Variants in NUTM1 observed in about 807,000 individuals in gnomAD.
NUTM1 encodes NUT midline carcinoma family member 1, also known as NUT family member 1.
In NUTM1, 39 loss-of-function variants were observed where a neutral mutation model predicts 88.7. The observed-to-expected ratio is 0.44, with a 90% CI of 0.34 to 0.57. NUTM1 has a LOEUF of 0.57. Ranked by LOEUF, NUTM1 falls within the 20% of genes least tolerant of loss-of-function variation. NUTM1 has a pLI of 0.01. For missense variants in NUTM1, 1,350 were observed against 1,414.5 expected (o/e 0.95, Z 0.73); for synonymous variants, 494 against 538.0 (o/e 0.92, Z 1.13).
At position 34,357,344 on chromosome 15, in the gene NUTM1, T is replaced by A; in HGVS notation, c.3336T>A (p.Thr1112=). 2 of 1,614,118 alleles carry A rather than the reference T, an allele frequency of 1.2e-6. No individual in the cohort carries two copies. The highest frequency in any genetic ancestry group is 1.7e-6 in the Non-Finnish European group (2 of 1,180,022). The change falls in exon 8 of 8, where the codon ACT becomes ACA. Residue 1112 remains threonine (T), a synonymous_variant. Coordinates refer to ENST00000537011, the MANE Select transcript of NUTM1 (RefSeq NM_001284292.2). ...KRALAGGPAP[T]EKTPHSGAQL... The stretch of plus-strand genomic sequence containing the variant: ...CTCTAGCTGGAGGTCCAGCCCCTAC[T>A]GAAAAGACACCCCACTCAGGAGCTC...
rs973852789 is a variant in NUTM1 at position 34,355,374 on chromosome 15, G to A, written c.1480-114G>A. On this transcript the variant is annotated intron_variant, in intron 7 of 7. Transcript: ENST00000537011. The surrounding 1 kb of genome is among the most constrained non-coding windows in gnomAD (Gnocchi z 4.3). The stretch of plus-strand genomic sequence containing the variant: ...TGCAGTATCTGTCTTTGCTACCATC[G>A]CTTAAACTACTTGCTTGCCTTCCTT... The A allele has an allele frequency of 1.8e-5, 18 of 1,025,236 alleles. No homozygotes were observed. Among genetic ancestry groups the A allele is most frequent in the African/African-American group, 1.3e-4 (8 of 62,502 alleles). The allele number at this position is 1,025,236 out of a possible 1,614,324, so 63.5% of individuals were successfully genotyped here. A position where few individuals can be genotyped will look rare whatever the true frequency, so the allele number is the denominator to read the frequency against.
chr15:34,353,150 G>A (rs1890740152), intron 4 of NUTM1, among the ~76,000 whole-genome samples: 1 of 151,716 alleles, frequency 6.6e-6, no homozygotes, highest in Non-Finnish European at 1.5e-5. Context: ...CTCCCAAAGT[G>A]CTGGGGTTAC....
At chr15:34,349,795 C>T (rs1172127866) in intron 3 of NUTM1, among the ~76,000 whole-genome samples, 1 of 152,248 alleles carries the variant, frequency 6.6e-6, no homozygotes, top group Non-Finnish European at 1.5e-5. Flanking sequence ...CGTCTTCAGG[C>T]TCCCTGCTTT....
chr15:34,357,102 G>GAGAAAA lies in NUTM1; in HGVS notation c.3103_3108dup (p.Lys1035_Lys1036dup). 1 of 1,614,018 alleles carries GAGAAAA rather than the reference G, an allele frequency of 6.2e-7. No homozygotes were observed. The highest frequency in any genetic ancestry group is 1.1e-5 in the South Asian group (1 of 91,076). ...GTCAGCAGACAGGGCCAAAGGAAAG[G>GAGAAAA]AGAAAAAGAAAAAGGAAGCAGAGGA... On this transcript the variant is annotated inframe_insertion, in exon 8 of 8. Coordinates refer to ENST00000537011, the MANE Select transcript of NUTM1 (RefSeq NM_001284292.2).
Position 34,354,971 on chromosome 15 carries a change from C to T in NUTM1, c.1363-50C>T, listed in dbSNP as rs374290569. 3.8e-5 allele frequency: 54 copies of T among 1,404,472 alleles called. No individual in the cohort carries two copies. The Middle Eastern group carries it at 1.6e-3, about 42-fold the overall frequency. 87.0% of individuals were successfully genotyped at this position (1,404,472 alleles called of 1,614,324 possible). A position where few individuals can be genotyped will look rare whatever the true frequency, so the allele number is the denominator to read the frequency against. On this transcript the variant is annotated intron_variant, in intron 6 of 7. Coordinates refer to ENST00000537011, the MANE Select transcript of NUTM1 (RefSeq NM_001284292.2). Reference sequence around the variant, plus strand: ...GTTTCTTCTGTAAAGCCCCTTGTTTCACAGGTTACCTGCTTACAGACTTAC... The same window carrying T: ...GTTTCTTCTGTAAAGCCCCTTGTTTTACAGGTTACCTGCTTACAGACTTAC...
Position 34,356,471 on chromosome 15 carries a change from G to A in NUTM1, c.2463G>A (p.Ala821=), listed in dbSNP as rs112209348. 2.0e-4 allele frequency: 321 copies of A among 1,613,102 alleles called. 1 individual carries two copies. The African/African-American group carries it at 2.8e-3, about 14-fold the overall frequency. The part of the protein sequence containing the change: ...SSVIPCGGTV[A]AAALEKRNYC... Reference sequence around the variant, plus strand: ...TGATTCCCTGTGGAGGCACAGTTGCGGCAGCTGCCCTAGAAAAGAGAAACT... The same window carrying A: ...TGATTCCCTGTGGAGGCACAGTTGCAGCAGCTGCCCTAGAAAAGAGAAACT... The change falls in exon 8 of 8, where the codon GCG becomes GCA. Residue 821 remains alanine, a synonymous_variant. Coordinates refer to ENST00000537011, the MANE Select transcript of NUTM1 (RefSeq NM_001284292.2).
intron 2 of NUTM1, among the ~76,000 whole-genome samples, 192 bp from the exon 3 acceptor site, chr15:34,347,777 T>C (rs898148450): frequency 7.2e-5 from 11 of 151,852 alleles, no homozygotes; most frequent in South Asian, 6.3e-4. Flanking sequence ...GGCATGAACC[T>C]AGGAGGCGGA....
chr15:34,350,918 T>G lies in NUTM1; in HGVS notation c.938+86T>G, dbSNP rs535014131. On this transcript the variant is annotated intron_variant, in intron 4 of 7. Transcript: ENST00000537011. ...CGCAGAGAGACTTGTGTGGGGGTGA[T>G]TATCAAAAGCCATGTTAGGATGGGG... 19 of 1,531,946 alleles carry G rather than the reference T, an allele frequency of 1.2e-5. No homozygotes were observed. The East Asian group carries it at 4.3e-4, about 35-fold the overall frequency. 94.9% of individuals were successfully genotyped at this position (1,531,946 alleles called of 1,614,324 possible).
intron 1 of NUTM1, among the ~76,000 whole-genome samples, chr15:34,345,330 T>A (rs1295669688): frequency 6.6e-6 from 1 of 152,198 alleles, no homozygotes; most frequent in Non-Finnish European, 1.5e-5. Flanking sequence ...CATGGCAGCT[T>A]TTTTATTTAG....
In NUTM1 at chr15:34,348,241, G is replaced by A. The variant is rs1042643515; in HGVS notation, c.373G>A (p.Gly125Arg). Residue 125 changes from glycine (G) to arginine (R), a missense_variant, in exon 3 of 8, where the codon GGG becomes AGG. Coordinates refer to ENST00000537011, the MANE Select transcript of NUTM1 (RefSeq NM_001284292.2). ...KVIVKVKTEG[G>R]SAEPSQTQNF... ...CATTGTCAAAGTCAAGACAGAAGGG[G>A]GGTCAGCTGAGCCCTCTCAAACTCA... 6.2e-7 allele frequency: 1 copy of A among 1,614,218 alleles called. No homozygotes were observed. Among genetic ancestry groups the A allele is most frequent in the Non-Finnish European group, 8.5e-7 (1 of 1,180,036 alleles).
At chr15:34,344,533 T>C (rs7169857) in intron 1 of NUTM1, among the ~76,000 whole-genome samples, 8 of 148,402 alleles carry the variant, frequency 5.4e-5, no homozygotes, top group Non-Finnish European at 3.0e-5. Flanking sequence ...AAGAATATGG[T>C]TTGTATTTAC....
chr15:34,353,631 C>A, intron 4 of NUTM1, 105 bp from the exon 5 acceptor site: 2 of 1,396,534 alleles, frequency 1.4e-6, no homozygotes, highest in Non-Finnish European at 9.9e-7. Flanking sequence ...AGACTTTGCC[C>A]ACCTGAGAGC....
rs752554152 is a variant in NUTM1 at position 34,357,290 on chromosome 15, A to G, written c.3282A>G (p.Pro1094=). Reference sequence around the variant, plus strand: ...GAGCAAAAGGCCCCAGCAAACTTCCATATCCTGTTGCCAAGTCTGGGAAGC... The same window carrying G: ...GAGCAAAAGGCCCCAGCAAACTTCCGTATCCTGTTGCCAAGTCTGGGAAGC... The part of the protein sequence containing the change: ...PAGAKGPSKL[P]YPVAKSGKRA... The change falls in exon 8 of 8, where the codon CCA becomes CCG. Residue 1094 remains proline, a synonymous_variant. Coordinates refer to ENST00000537011, the MANE Select transcript of NUTM1 (RefSeq NM_001284292.2). 5.0e-6 allele frequency: 8 copies of G among 1,613,972 alleles called. No individual in the cohort carries two copies. Among genetic ancestry groups the G allele is most frequent in the South Asian group, 4.4e-5 (4 of 91,082 alleles).
chr15:34,346,126 C>A, intron 2 of NUTM1, 91 bp downstream of exon 2: 2 of 1,296,548 alleles, frequency 1.5e-6, no homozygotes, highest in Non-Finnish European at 2.2e-6. Context: ...ATGTGAGGTG[C>A]TACACCCCGT....
chr15:34,355,022 T>G lies in NUTM1; in HGVS notation c.1364T>G (p.Val455Gly). 1.9e-6 allele frequency: 3 copies of G among 1,608,196 alleles called. No individual in the cohort carries two copies. Among genetic ancestry groups the G allele is most frequent in the Non-Finnish European group, 2.6e-6 (3 of 1,174,658 alleles). ...LCSQKVFVSK[V>G]EAVIHPQFLA... is the part of the protein sequence containing the mutation. ...ATCGCTTTTCCTTCTGTTATCCAGG[T>G]GGAGGCTGTCATTCACCCTCAATTT... Residue 455 changes from valine to glycine, a missense_variant and splice_region_variant, in exon 7 of 8, where the codon GTG (valine) becomes GGG (glycine). Physicochemically the swap from Val to Gly is moderately radical, Grantham distance 109. Transcript: ENST00000537011. The surrounding 1 kb of genome is among the most constrained non-coding windows in gnomAD (Gnocchi z 4.3).
chr15:34,355,501 G>A lies in NUTM1; in HGVS notation c.1493G>A (p.Arg498Gln), dbSNP rs747690434. Residue 498 changes from arginine to glutamine, a missense_variant, in exon 8 of 8, where the codon CGA becomes CAA. Physicochemically the swap from Arg to Gln is conservative, Grantham distance 43. Coordinates refer to ENST00000537011, the MANE Select transcript of NUTM1 (RefSeq NM_001284292.2). The surrounding 1 kb of genome is among the most constrained non-coding windows in gnomAD (Gnocchi z 4.3). Reference sequence around the variant, plus strand: ...CATTTCTTTCAGCTGGTCCAGAAGCGACTCATGGCCTTGGAAGAGGAGGAA... The same window carrying A: ...CATTTCTTTCAGCTGGTCCAGAAGCAACTCATGGCCTTGGAAGAGGAGGAA... ...GLTLAQLVQK[R>Q]LMALEEEEDA... The A allele has an allele frequency of 6.2e-6, 10 of 1,614,112 alleles. No individual in the cohort carries two copies. Among genetic ancestry groups the A allele is most frequent in the Non-Finnish European group, 8.5e-6 (10 of 1,180,014 alleles).
chr15:34,354,573 C>G lies in NUTM1; in HGVS notation c.1203C>G (p.Asp401Glu), dbSNP rs1213490857. The change falls in exon 6 of 8, where the codon GAC (aspartate) becomes GAG (glutamate). Residue 401 changes from aspartate to glutamate, a missense_variant. Around this residue, in one of 5 missense-constraint regions of NUTM1, gnomAD observed 126 missense variants for 189.8 expected, o/e 0.66. Transcript: ENST00000537011. Reference sequence around the variant, plus strand: ...CAGAAGCTGTGAAGGAGTATGTTGACATCATGGAATGGCTGGTGGGGACTC... The same window carrying G: ...CAGAAGCTGTGAAGGAGTATGTTGAGATCATGGAATGGCTGGTGGGGACTC... ...IPPEAVKEYVDIMEWLVGTHL... is the reference protein window; with the variant it reads ...IPPEAVKEYVEIMEWLVGTHL... The G allele has an allele frequency of 1.5e-5, 24 of 1,614,176 alleles. No homozygotes were observed. Among genetic ancestry groups the G allele is most frequent in the Non-Finnish European group, 2.0e-5 (24 of 1,180,052 alleles).
intron 2 of NUTM1, among the ~76,000 whole-genome samples, chr15:34,346,926 G>A (rs1034549233): frequency 1.5e-5 from 2 of 136,916 alleles, no homozygotes; most frequent in African/African-American, 2.6e-5. Context: ...TAGAGGCAGT[G>A]ATGGCTTGGG....
intron 5 of NUTM1, 32 bp downstream of exon 5, chr15:34,353,904 G>A: frequency 6.2e-7 from 1 of 1,611,500 alleles, no homozygotes; most frequent in Non-Finnish European, 8.5e-7. Flanking sequence ...AGGAGCCGTG[G>A]GCCAAAGGCT....
Sources: gnomAD v4.1 joint callset for allele counts (sites outside exome capture counted in the v4.1 genomes callset) on GRCh38, gnomAD v4.1.1 for gene constraint, gnomAD v4.1.1 regional missense constraint, Gnocchi (gnomAD v3.1) non-coding constraint, MANE v1.5 for transcripts, NCBI Gene and HGNC (gene_info 2026-07-23, HGNC 2026-07-21) for gene names.